Variants in KLHL41 observed in about 807,000 individuals in gnomAD.
The protein encoded by KLHL41 is kelch like family member 41.
In KLHL41, 31 loss-of-function variants were observed where a neutral mutation model predicts 49.2. That is an observed-to-expected ratio of 0.63 (90% CI 0.47 to 0.85). The LOEUF is 0.85. KLHL41 is among the 40% of genes least tolerant of loss of function. KLHL41 has a pLI of 0.00. For missense variants in KLHL41, 663 were observed against 726.7 expected, an observed-to-expected ratio of 0.91 and a Z score of 1.01; for synonymous variants, 218 against 258.5, an observed-to-expected ratio of 0.84 and a Z score of 1.50.
intron 4 of KLHL41, among the ~76,000 whole-genome samples, chr2:169,520,445 G>A (rs552674133): frequency 8.4e-4 from 127 of 150,668 alleles, no homozygotes; most frequent in African/African-American, 2.8e-3. Flanking sequence ...GAACCCAGCC[G>A]CTACTTGAAT....
chr2:169,515,422 C>T (rs1419158962), intron 3 of KLHL41, among the ~76,000 whole-genome samples: 2 of 152,060 alleles, frequency 1.3e-5, no homozygotes, highest in South Asian at 4.1e-4. Context: ...AATTTCAAGT[C>T]GCTGAAGTAA....
Position 169,509,720 on chromosome 2 carries a change from G to A in KLHL41, c.-59G>A. The stretch of plus-strand genomic sequence containing the variant: ...GATCTGCCTTTTTACAGCTAGACCT[G>A]TGTGCTGCAAGGAGCTAAGGCCTTC... On this transcript the variant is annotated 5_prime_UTR_variant, in exon 1 of 6. In the 5' UTR this introduces an upstream ATG that the reference lacks. Transcript: ENST00000284669. 3.3e-6 allele frequency: 5 copies of A among 1,525,524 alleles called. No individual in the cohort carries two copies. Among genetic ancestry groups the A allele is most frequent in the Non-Finnish European group, 4.4e-6 (5 of 1,137,884 alleles). 94.5% of individuals were successfully genotyped at this position (1,525,524 alleles called of 1,614,324 possible).
chr2:169,521,613 G>A lies in KLHL41; in HGVS notation c.1709+606G>A, dbSNP rs577650125. On this transcript the variant is annotated intron_variant, in intron 5 of 5. Coordinates refer to ENST00000284669, the MANE Select transcript of KLHL41 (RefSeq NM_006063.3). The stretch of plus-strand genomic sequence containing the variant: ...TCGCCATGTTGGCCAGGCTGGTCTC[G>A]AACTCCTGACCTCAGGTGATCCACC... Among the ~76,000 whole-genome samples the A allele has an allele frequency of 3.3e-5, 5 of 152,064 alleles. No individual in the cohort carries two copies. The East Asian group carries it at 9.7e-4, about 29-fold the overall frequency.
At chr2:169,525,551 C>T in intron 5 of KLHL41, 34 bp from the exon 6 acceptor site, 2 of 1,285,646 alleles carry the variant, frequency 1.6e-6, no homozygotes, top group South Asian at 1.2e-5. Context: ...GGAACTAAAG[C>T]TGCTTATTGA....
At chr2:169,511,390 A>T (rs1248070597) in intron 1 of KLHL41, among the ~76,000 whole-genome samples, 1 of 152,162 alleles carries the variant, frequency 6.6e-6, no homozygotes, top group Admixed American at 6.5e-5. Flanking sequence ...TACCTATTAA[A>T]AATAGTTAAT....
Position 169,514,948 on chromosome 2 carries a change from A to C in KLHL41, c.1363A>C (p.Lys455Gln), listed in dbSNP as rs940791315. 1 of 1,594,024 alleles carries C rather than the reference A, an allele frequency of 6.3e-7. No homozygotes were observed. Among genetic ancestry groups the C allele is most frequent in the Admixed American group, 1.7e-5 (1 of 57,814 alleles). The change falls in exon 3 of 6, where the codon AAG becomes CAG. Residue 455 changes from lysine (K) to glutamine (Q), a missense_variant. Lys to Gln is a moderately conservative substitution (Grantham distance 53). Coordinates refer to ENST00000284669, the MANE Select transcript of KLHL41 (RefSeq NM_006063.3). ...HKGMIYCLGG[K>Q]TDDKKCTNRV... ...AGGGATGATATATTGTCTAGGAGGA[A>C]AGACAGATGACAAGTAAGTACCCTG...
Position 169,525,612 on chromosome 2 carries a change from T to C in KLHL41, c.1737T>C (p.Ala579=), listed in dbSNP as rs76875207. ...ATGAAGATGATAAAAAAGAATGGGCTGGGATGTTGAAGGAAATACGTTATG... is the reference window on the plus strand; with the variant it reads ...ATGAAGATGATAAAAAAGAATGGGCCGGGATGTTGAAGGAAATACGTTATG... ...WKYEDDKKEW[A]GMLKEIRYAS... The change falls in exon 6 of 6, where the codon GCT becomes GCC. Residue 579 remains alanine, a synonymous_variant. Transcript: ENST00000284669. The C allele has an allele frequency of 1.2e-3, 1,934 of 1,612,916 alleles. 37 individuals are homozygous for C. The East Asian group carries it at 0.037, about 31-fold the overall frequency.
chr2:169,518,971 C>A (rs1211431676), intron 4 of KLHL41, among the ~76,000 whole-genome samples: 1 of 145,956 alleles, frequency 6.9e-6, no homozygotes, highest in African/African-American at 2.6e-5. Context: ...TGAGCCAGCA[C>A]ACCTGGCCCT....
intron 5 of KLHL41, among the ~76,000 whole-genome samples, chr2:169,523,558 T>C (rs1684234886): frequency 6.6e-6 from 1 of 152,180 alleles, no homozygotes; most frequent in Non-Finnish European, 1.5e-5. Context: ...CAAACTTTGC[T>C]GCATATTAGA....
chr2:169,524,524 A>C (rs1684267265), intron 5 of KLHL41, among the ~76,000 whole-genome samples: 1 of 146,680 alleles, frequency 6.8e-6, no homozygotes, highest in Non-Finnish European at 1.5e-5. Context: ...CAGCCTCCGG[A>C]GTAGCTAGGA....
chr2:169,510,682 G>C lies in KLHL41; in HGVS notation c.904G>C (p.Val302Leu). The change falls in exon 1 of 6, where the codon GTA (valine) becomes CTA (leucine). Residue 302 changes from valine (V) to leucine (L), a missense_variant. This residue lies in a region of KLHL41 where 528 missense variants were observed against 581.0 expected (regional missense o/e 0.91). Transcript: ENST00000284669. The surrounding 1 kb of genome is among the most constrained non-coding windows in gnomAD (Gnocchi z 4.2). ...LNDIPRHGMF[V>L]KDLILLVNDT... ...TGACATTCCCAGGCATGGAATGTTTGTAAAAGACCTCATCCTCTTGGTTAA... is the reference window on the plus strand; with the variant it reads ...TGACATTCCCAGGCATGGAATGTTTCTAAAAGACCTCATCCTCTTGGTTAA... The C allele has an allele frequency of 6.2e-7, 1 of 1,614,128 alleles. No individual in the cohort carries two copies. The highest frequency in any genetic ancestry group is 8.5e-7 in the Non-Finnish European group (1 of 1,180,008).
chr2:169,509,784 T>A lies in KLHL41; in HGVS notation c.6T>A (p.Asp2Glu). The change falls in exon 1 of 6, where the codon GAT (aspartate) becomes GAA (glutamate). Residue 2 changes from aspartate to glutamate, a missense_variant. Asp to Glu is a conservative substitution (Grantham distance 45). This residue lies in a region of KLHL41 where 129 missense variants were observed against 122.1 expected (regional missense o/e 1.06). Coordinates refer to ENST00000284669, the MANE Select transcript of KLHL41 (RefSeq NM_006063.3). Reference protein sequence around the residue: MDSQRELAEELR... With the variant: MESQRELAEELR... ...TTACCCAGGTTTCTCACAGAATGGA[T>A]TCCCAGCGGGAACTTGCAGAGGAAC... The A allele has an allele frequency of 6.2e-7, 1 of 1,608,978 alleles. No individual in the cohort carries two copies. The highest frequency in any genetic ancestry group is 1.3e-5 in the African/African-American group (1 of 74,982).
chr2:169,522,705 ATTTTTTTTTTTTTT>A (rs60635668), intron 5 of KLHL41, among the ~76,000 whole-genome samples: 2 of 50,092 alleles, frequency 4.0e-5, no homozygotes, highest in Non-Finnish European at 6.8e-5. Flanking sequence ...CTTCCCAGTG[ATTTTTTTTTTTTTT>A]TTTTTTTTTT....
At position 169,521,008 on chromosome 2, in the gene KLHL41, G is replaced by A. The variant is rs773033779; in HGVS notation, c.1709+1G>A. 2 of 1,611,810 alleles carry A rather than the reference G, an allele frequency of 1.2e-6. No homozygotes were observed. Among genetic ancestry groups the A allele is most frequent in the Non-Finnish European group, 8.5e-7 (1 of 1,179,088 alleles). On this transcript the variant is annotated splice_donor_variant, in intron 5 of 5. Transcript: ENST00000284669. LOFTEE classifies it high-confidence loss of function. Reference sequence around the variant, plus strand: ...CCACTGAAGTCAATGACATATGGAAGTAAGTTCTCATCACTTCAATTTTCA... The same window carrying A: ...CCACTGAAGTCAATGACATATGGAAATAAGTTCTCATCACTTCAATTTTCA...
Position 169,514,618 on chromosome 2 carries a change from T to A in KLHL41, c.1155T>A (p.Pro385=), listed in dbSNP as rs753910570. ...ASEWVGLPPL[P]SARCLFGLGE... is the part of the protein sequence containing the mutation. ...AATGGGTTGGACTTCCACCTCTGCC[T>A]TCAGCCAGGTGTCTCTTCGGTCTGG... Residue 385 remains proline (P), a synonymous_variant, in exon 2 of 6, where the codon CCT becomes CCA. Coordinates refer to ENST00000284669, the MANE Select transcript of KLHL41 (RefSeq NM_006063.3). 1 of 1,613,978 alleles carries A rather than the reference T, an allele frequency of 6.2e-7. No homozygotes were observed. Among genetic ancestry groups the A allele is most frequent in the South Asian group, 1.1e-5 (1 of 91,080 alleles).
chr2:169,514,588 A>G lies in KLHL41; in HGVS notation c.1125A>G (p.Ala375=). ...QSYFFQLDSI[A]SEWVGLPPLP... is the part of the protein sequence containing the mutation. ...GTTTTTTTCAGCTCGATAGCATAGCATCTGAATGGGTTGGACTTCCACCTC... is the reference window on the plus strand; with the variant it reads ...GTTTTTTTCAGCTCGATAGCATAGCGTCTGAATGGGTTGGACTTCCACCTC... Residue 375 remains alanine, a synonymous_variant, in exon 2 of 6, where the codon GCA becomes GCG. Coordinates refer to ENST00000284669, the MANE Select transcript of KLHL41 (RefSeq NM_006063.3). 1 of 1,613,562 alleles carries G rather than the reference A, an allele frequency of 6.2e-7. No homozygotes were observed. Among genetic ancestry groups the G allele is most frequent in the Non-Finnish European group, 8.5e-7 (1 of 1,179,826 alleles).
Position 169,514,577 on chromosome 2 carries a change from G to C in KLHL41, c.1114G>C (p.Asp372His). The change falls in exon 2 of 6, where the codon GAT (aspartate) becomes CAT (histidine). Residue 372 changes from aspartate (D) to histidine (H), a missense_variant. By Grantham distance (81) the Asp-to-His change is moderately conservative. This residue lies in a region of KLHL41 where 528 missense variants were observed against 581.0 expected (regional missense o/e 0.91). Transcript: ENST00000284669. ...QPLQSYFFQL[D>H]SIASEWVGLP... ...CTCTCATATATGTTTTTTTCAGCTC[G>C]ATAGCATAGCATCTGAATGGGTTGG... 6.2e-7 allele frequency: 1 copy of C among 1,606,958 alleles called. No homozygotes were observed.
At chr2:169,511,130 T>C (rs182159550) in intron 1 of KLHL41, among the ~76,000 whole-genome samples, 3 of 152,368 alleles carry the variant, frequency 2.0e-5, no homozygotes, top group Admixed American at 6.5e-5. Context: ...CTTAAGATGT[T>C]CTTTATACTA....
At chr2:169,519,449 T>A (rs1038679475) in intron 4 of KLHL41, among the ~76,000 whole-genome samples, 1 of 152,186 alleles carries the variant, frequency 6.6e-6, no homozygotes, top group African/African-American at 2.4e-5. Context: ...TAAACACTCA[T>A]GATGTAAGTT....
Sources: allele counts gnomAD v4.1 joint callset (sites outside exome capture counted in the v4.1 genomes callset), GRCh38; gene constraint gnomAD v4.1.1; regional missense constraint gnomAD v4.1.1; non-coding constraint Gnocchi (gnomAD v3.1); transcripts MANE v1.5; gene names NCBI Gene and HGNC (gene_info 2026-07-23, HGNC 2026-07-21).